The following RBFOX3 variants were observed in gnomAD, a reference collection of about 807,000 sequenced individuals.
RBFOX3 encodes RNA binding protein fox-1 homolog 3.
Under a neutral mutation model 48.7 loss-of-function variants are expected in RBFOX3, and 17 were observed. The observed-to-expected ratio is 0.35, with a 90% CI of 0.24 to 0.52. The LOEUF (loss-of-function observed/expected upper bound fraction) is 0.52. Among genes scored for constraint, RBFOX3 ranks in the 20% least tolerant of loss-of-function variants. The pLI, the probability that RBFOX3 is intolerant of heterozygous loss-of-function variation, is 0.94. For synonymous variants in RBFOX3, 212 were observed against 209.5 expected, an observed-to-expected ratio of 1.01 and a Z score of -0.10; for missense variants, 382 against 497.5, an observed-to-expected ratio of 0.77 and a Z score of 2.21.
At chr17:79,395,827 G>A (rs1193768677) in intron 2 of RBFOX3, among the ~76,000 whole-genome samples, 1 of 152,232 alleles carries the variant, frequency 6.6e-6, no homozygotes, top group Non-Finnish European at 1.5e-5. Flanking sequence ...GACTCAGGAG[G>A]CTTGAGATCC....
At chr17:79,387,541 C>T (rs554487939) in intron 2 of RBFOX3, among the ~76,000 whole-genome samples, 13 of 152,314 alleles carry the variant, frequency 8.5e-5, no homozygotes, top group African/African-American at 2.9e-4. Flanking sequence ...TGGTACCGCC[C>T]GCATGGGCTG....
Position 79,477,118 on chromosome 17 carries a change from A to G in RBFOX3, c.-175+5336T>C, listed in dbSNP as rs1336173485. On this transcript the variant is annotated intron_variant, in intron 2 of 14. Coordinates refer to ENST00000693108, the MANE Select transcript of RBFOX3 (RefSeq NM_001350451.2). This position sits in a 1 kb window ranked among gnomAD's most constrained non-coding sequence, Gnocchi z 4.8. ...CGTGGTGGTGGGCGCCTGTAATCCC[A>G]GTTACTCGGGAAGCTGAGGCAGGAG... 1.3e-5 allele frequency among the ~76,000 whole-genome samples: 2 copies of G among 151,488 alleles called. No individual in the cohort carries two copies. Among genetic ancestry groups the G allele is most frequent in the Non-Finnish European group, 2.9e-5 (2 of 67,890 alleles).
chr17:79,441,466 A>G (rs2070896329), intron 2 of RBFOX3, among the ~76,000 whole-genome samples: 2 of 152,164 alleles, frequency 1.3e-5, no homozygotes, highest in Non-Finnish European at 2.9e-5. Context: ...ACACCCAGGG[A>G]GGTGGCCACG....
the RBFOX3 span, among the ~76,000 whole-genome samples, chr17:79,620,189 ACATG>A: frequency 6.8e-6 from 1 of 147,544 alleles, no homozygotes; most frequent in Non-Finnish European, 1.5e-5. Context: ...ACACATGTGC[ACATG>A]CACACACGTG....
the RBFOX3 span, among the ~76,000 whole-genome samples, chr17:79,661,239 C>T: frequency 6.6e-6 from 1 of 152,028 alleles, no homozygotes; most frequent in African/African-American, 2.4e-5. Context: ...ACCTATGTAA[C>T]AAACCTACAC....
chr17:79,155,050 G>A (rs900710097), intron 4 of RBFOX3, among the ~76,000 whole-genome samples: 9 of 152,350 alleles, frequency 5.9e-5, no homozygotes, highest in Middle Eastern at 3.4e-3. Flanking sequence ...GGGGCAGTGG[G>A]CAGCCGTGAA....
In RBFOX3 at chr17:79,214,594, G is replaced by C. The variant is rs2058777233; in HGVS notation, c.-34+21172C>G. Among the ~76,000 whole-genome samples the C allele has an allele frequency of 6.6e-6, 1 of 151,958 alleles. No homozygotes were observed. Among genetic ancestry groups the C allele is most frequent in the Admixed American group, 6.5e-5 (1 of 15,284 alleles). The stretch of plus-strand genomic sequence containing the variant: ...GTCTCGGAGGAAGCAGGAAGGGTTG[G>C]CCTCTGTGGCTGTCCAGGGAGAGAG... On this transcript the variant is annotated intron_variant, in intron 4 of 14. Coordinates refer to ENST00000693108, the MANE Select transcript of RBFOX3 (RefSeq NM_001350451.2). The surrounding 1 kb of genome is among the most constrained non-coding windows in gnomAD (Gnocchi z 4.7).
rs1389421240 is a variant in RBFOX3, at chr17:79,311,352, G to A, written c.-174-3528C>T. Among the ~76,000 whole-genome samples, 8 of 149,728 alleles carry A rather than the reference G, an allele frequency of 5.3e-5. No individual in the cohort carries two copies. The highest frequency in any genetic ancestry group is 1.0e-4 in the Non-Finnish European group (7 of 67,762). Reference sequence around the variant, plus strand: ...GGAGGCTGAGGCAGGAGAATCACTCGAACCTGGGAGGCAGAGGTTGCAGTG... The same window carrying A: ...GGAGGCTGAGGCAGGAGAATCACTCAAACCTGGGAGGCAGAGGTTGCAGTG... On this transcript the variant is annotated intron_variant, in intron 2 of 14. Coordinates refer to ENST00000693108, the MANE Select transcript of RBFOX3 (RefSeq NM_001350451.2). This position sits in a 1 kb window ranked among gnomAD's most constrained non-coding sequence, Gnocchi z 4.2.
At chr17:79,550,943 T>C (rs1286467956) in intron 1 of RBFOX3, among the ~76,000 whole-genome samples, 9 of 152,382 alleles carry the variant, frequency 5.9e-5, no homozygotes, top group African/African-American at 1.9e-4. Context: ...TGCCATCCAA[T>C]AGAACTTTCT....
chr17:79,583,188 T>A (rs1000744804), intron 1 of RBFOX3, among the ~76,000 whole-genome samples: 2 of 152,172 alleles, frequency 1.3e-5, no homozygotes, highest in Non-Finnish European at 2.9e-5. Context: ...CATCGACACA[T>A]GACCCTGGCC....
intron 2 of RBFOX3, among the ~76,000 whole-genome samples, chr17:79,429,912 T>C (rs924608498): frequency 6.6e-6 from 1 of 152,194 alleles, no homozygotes; most frequent in Admixed American, 6.5e-5. Context: ...CTTGAGGACC[T>C]GACTTTGGCC....
rs1449750964 is a variant in RBFOX3, at chr17:79,205,758, C to G, written c.-34+30008G>C. On this transcript the variant is annotated intron_variant, in intron 4 of 14. Coordinates refer to ENST00000693108, the MANE Select transcript of RBFOX3 (RefSeq NM_001350451.2). This position sits in a 1 kb window ranked among gnomAD's most constrained non-coding sequence, Gnocchi z 4.5. Reference sequence around the variant, plus strand: ...TATTTACTGGAATAGCTCGACAGAGCCTCTATTACTTGGTATATGGTGATT... The same window carrying G: ...TATTTACTGGAATAGCTCGACAGAGGCTCTATTACTTGGTATATGGTGATT... 6.6e-6 allele frequency among the ~76,000 whole-genome samples: 1 copy of G among 151,958 alleles called. No homozygotes were observed. Among genetic ancestry groups the G allele is most frequent in the African/African-American group, 2.4e-5 (1 of 41,378 alleles).
At chr17:79,131,140 T>C (rs558023043) in intron 4 of RBFOX3, among the ~76,000 whole-genome samples, 95 of 151,556 alleles carry the variant, frequency 6.3e-4, no homozygotes, top group African/African-American at 2.2e-3. Context: ...GTGTGACCCG[T>C]GTGCTTGTGT....
rs538927393 is a variant in RBFOX3, at chr17:79,313,705, C to G, written c.-174-5881G>C. 2.4e-4 allele frequency among the ~76,000 whole-genome samples: 36 copies of G among 152,330 alleles called. No homozygotes were observed. In the East Asian group the frequency reaches 6.2e-3, roughly 26 times the overall value. The stretch of plus-strand genomic sequence containing the variant: ...GCTCAGAGCCTCCCCTTCCCACCCC[C>G]AGATCCTTGGGGGCTGTGGCTTCAG... On this transcript the variant is annotated intron_variant, in intron 2 of 14. Transcript: ENST00000693108.
At chr17:79,662,279 C>G in the RBFOX3 span, among the ~76,000 whole-genome samples, 2 of 151,836 alleles carry the variant, frequency 1.3e-5, no homozygotes, top group African/African-American at 4.8e-5. Flanking sequence ...CCCACCACCA[C>G]ACCTGGCTAA....
chr17:79,338,366 G>A (rs901208560), intron 2 of RBFOX3, among the ~76,000 whole-genome samples: 1 of 147,264 alleles, frequency 6.8e-6, no homozygotes, highest in Non-Finnish European at 1.5e-5. Flanking sequence ...GTGCTGCCCT[G>A]AGCCGAGAAT....
intron 2 of RBFOX3, among the ~76,000 whole-genome samples, chr17:79,427,542 T>G (rs2067614332): frequency 6.6e-6 from 1 of 152,224 alleles, no homozygotes; most frequent in Non-Finnish European, 1.5e-5. Context: ...ATGCTCCTGA[T>G]GAACACTGTC....
intron 4 of RBFOX3, among the ~76,000 whole-genome samples, chr17:79,152,601 C>G (rs1254373185): frequency 6.6e-6 from 1 of 152,146 alleles, no homozygotes; most frequent in Admixed American, 6.5e-5. Flanking sequence ...CACAGGCGAG[C>G]AGAGACTCTG....
At chr17:79,272,266 C>T (rs1350967620) in intron 3 of RBFOX3, among the ~76,000 whole-genome samples, 3 of 152,150 alleles carry the variant, frequency 2.0e-5, no homozygotes, top group East Asian at 1.9e-4. Context: ...CTGCTGATCT[C>T]GGGGTTACCT....
Sources: allele counts gnomAD v4.1 joint callset (sites outside exome capture counted in the v4.1 genomes callset), GRCh38; gene constraint gnomAD v4.1.1; non-coding constraint Gnocchi (gnomAD v3.1); transcripts MANE v1.5; gene names NCBI Gene and HGNC (gene_info 2026-07-23, HGNC 2026-07-21).